MAST4: variants seen among roughly 807,000 people sequenced by gnomAD.
MAST4 encodes microtubule-associated serine/threonine-protein kinase 4.
In MAST4, 89 loss-of-function variants were observed where a neutral mutation model predicts 162.7. That is an observed-to-expected ratio of 0.55 (90% CI 0.46 to 0.65). MAST4 has a LOEUF of 0.65. Ranked by LOEUF, MAST4 falls within the 30% of genes least tolerant of loss-of-function variation. MAST4 has a pLI of 0.00. For missense variants in MAST4, 3,153 were observed against 3,374.0 expected (o/e 0.93, Z 1.62); for synonymous variants, 1,479 against 1,361.1 (o/e 1.09, Z -1.91).
At chr5:66,848,293 T>A (rs1759038375) in intron 3 of MAST4, among the ~76,000 whole-genome samples, 1 of 152,170 alleles carries the variant, frequency 6.6e-6, no homozygotes, top group Non-Finnish European at 1.5e-5. Flanking sequence ...ATGTAAATAA[T>A]TTGTTTATGA....
At chr5:66,658,422 T>G (rs1162203264) in intron 1 of MAST4, among the ~76,000 whole-genome samples, 3 of 152,156 alleles carry the variant, frequency 2.0e-5, no homozygotes, top group Non-Finnish European at 4.4e-5. Context: ...CTGTTATGGG[T>G]TTTTTCCCCT....
chr5:66,627,753 A>G (rs1359316428), intron 1 of MAST4, among the ~76,000 whole-genome samples: 1 of 152,120 alleles, frequency 6.6e-6, no homozygotes, highest in African/African-American at 2.4e-5. Flanking sequence ...AGGGAGCTGT[A>G]AAGCTGCTTT....
chr5:66,688,640 A>G (rs944726977), intron 1 of MAST4, among the ~76,000 whole-genome samples: 6 of 152,180 alleles, frequency 3.9e-5, no homozygotes, highest in East Asian at 1.9e-4. Flanking sequence ...GTAGAGTGCT[A>G]TCTTTTTCAG....
At chr5:66,736,899 T>C (rs1265103310) in intron 1 of MAST4, among the ~76,000 whole-genome samples, 1 of 152,226 alleles carries the variant, frequency 6.6e-6, no homozygotes, top group Non-Finnish European at 1.5e-5. Context: ...CAGAGAATGC[T>C]GTACTTGGTT....
chr5:67,106,515 T>TA (rs2150882096), intron 10 of MAST4, among the ~76,000 whole-genome samples: 1 of 152,312 alleles, frequency 6.6e-6, no homozygotes, highest in South Asian at 2.1e-4. Flanking sequence ...GTTTACTTCC[T>TA]AAATATTTCT....
In MAST4 at chr5:67,095,683, CCTGA is replaced by C. The variant is rs1165624302; in HGVS notation, c.912+11_912+14del. 6.4e-7 allele frequency: 1 copy of C among 1,553,052 alleles called. No homozygotes were observed. Among genetic ancestry groups the C allele is most frequent in the Non-Finnish European group, 8.7e-7 (1 of 1,153,070 alleles). On this transcript the variant is annotated intron_variant, in intron 7 of 28. Coordinates refer to ENST00000403625, the MANE Select transcript of MAST4 (RefSeq NM_001164664.2). ...CCCAGCTCTACGGTCTCTGTAAGTG[CCTGA>C]CTTTTTTTTTTTTTTTCTCTTCCTC... is the stretch of plus-strand genomic sequence containing the variant.
intron 3 of MAST4, among the ~76,000 whole-genome samples, chr5:66,834,401 A>G (rs976981452): frequency 6.6e-6 from 1 of 152,154 alleles, no homozygotes; most frequent in Non-Finnish European, 1.5e-5. Context: ...AGGTATCTCA[A>G]CCTTATTTTC....
chr5:67,024,446 G>C (rs1302597530), intron 4 of MAST4, among the ~76,000 whole-genome samples: 5 of 151,234 alleles, frequency 3.3e-5, no homozygotes, highest in Non-Finnish European at 7.4e-5. Flanking sequence ...AAGGTGCACT[G>C]TTGTGCTCAA....
chr5:67,145,498 TC>T (rs1770974871), intron 23 of MAST4, 119 bp downstream of exon 23: 2 of 746,176 alleles, frequency 2.7e-6, no homozygotes, highest in African/African-American at 3.5e-5. Flanking sequence ...TGCTAGACTT[TC>T]TCCATGGCCT....
chr5:66,906,281 T>G (rs1763348807), intron 4 of MAST4, among the ~76,000 whole-genome samples: 1 of 152,184 alleles, frequency 6.6e-6, no homozygotes, highest in South Asian at 2.1e-4. Flanking sequence ...TGGCCTGAAC[T>G]AGTTTTTCAG....
intron 1 of MAST4, among the ~76,000 whole-genome samples, chr5:66,671,916 T>C (rs1747635304): frequency 6.6e-6 from 1 of 151,958 alleles, no homozygotes; most frequent in African/African-American, 2.4e-5. Context: ...GTGAAAAAAA[T>C]GCTGTTTAAT....
chr5:66,809,798 C>T (rs541360211), intron 3 of MAST4, among the ~76,000 whole-genome samples: 1 of 152,076 alleles, frequency 6.6e-6, no homozygotes, highest in African/African-American at 2.4e-5. Context: ...TGCAGTGGTG[C>T]AATATCGACT....
chr5:66,834,232 T>G (rs1757800501), intron 3 of MAST4, among the ~76,000 whole-genome samples: 1 of 152,118 alleles, frequency 6.6e-6, no homozygotes, highest in African/African-American at 2.4e-5. Flanking sequence ...GATGTTGCAG[T>G]ACCAGGAGCT....
At chr5:66,637,992 C>A (rs1483852571) in intron 1 of MAST4, among the ~76,000 whole-genome samples, 1 of 152,192 alleles carries the variant, frequency 6.6e-6, no homozygotes, top group Non-Finnish European at 1.5e-5. Context: ...CATGAGCCAC[C>A]ATGCCGAGCC....
chr5:67,017,720 C>T (rs547818659), intron 4 of MAST4, among the ~76,000 whole-genome samples: 25 of 151,308 alleles, frequency 1.7e-4, no homozygotes, highest in Admixed American at 5.3e-4. Context: ...TCGCCTGCCT[C>T]GGCCTCCCGA....
intron 4 of MAST4, among the ~76,000 whole-genome samples, chr5:67,031,465 A>G (rs555470871): frequency 9.3e-5 from 14 of 151,110 alleles, no homozygotes; most frequent in Non-Finnish European, 1.9e-4. Context: ...GATGGTGACT[A>G]TTTGACATTT....
chr5:66,875,670 C>T (rs1021069007), intron 3 of MAST4, among the ~76,000 whole-genome samples: 4 of 151,996 alleles, frequency 2.6e-5, no homozygotes, highest in African/African-American at 9.7e-5. Flanking sequence ...TATTTTTTCC[C>T]CTCATTTGTA....
chr5:66,605,791 G>A (rs564555084), intron 1 of MAST4, among the ~76,000 whole-genome samples: 1 of 152,096 alleles, frequency 6.6e-6, no homozygotes, highest in Non-Finnish European at 1.5e-5. Flanking sequence ...GGGATTAAAG[G>A]GAAATTACAA....
chr5:67,104,387 C>T lies in MAST4; in HGVS notation c.1168C>T (p.Arg390Cys), dbSNP rs570794759. ...FPKATAQMEE[R>C]LKEIITSYSP... ...ATAGGCTACAGCTCAGATGGAAGAA[C>T]GTCTAAAGGAAATTATCACCAGCTA... The change falls in exon 10 of 29, where the codon CGT (arginine) becomes TGT (cysteine). Residue 390 changes from arginine to cysteine, a missense_variant. Arg to Cys is a radical substitution (Grantham distance 180). This residue lies in a region of MAST4 where 360 missense variants were observed against 450.0 expected (regional missense o/e 0.80). Transcript: ENST00000403625. 3.2e-5 allele frequency: 52 copies of T among 1,613,630 alleles called. No homozygotes were observed. The highest frequency in any genetic ancestry group is 1.7e-4 in the Middle Eastern group (1 of 6,058).
Sources: allele counts gnomAD v4.1 joint callset (sites outside exome capture counted in the v4.1 genomes callset), GRCh38; gene constraint gnomAD v4.1.1; regional missense constraint gnomAD v4.1.1; transcripts MANE v1.5; gene names NCBI Gene and HGNC (gene_info 2026-07-23, HGNC 2026-07-21).